SCNN1D: variants seen among roughly 807,000 people sequenced by gnomAD.
SCNN1D encodes the protein epithelial sodium channel subunit delta.
Under a neutral mutation model 87.8 loss-of-function variants are expected in SCNN1D, and 104 were observed. That is an observed-to-expected ratio of 1.18 (90% CI 1.01 to 1.39). The LOEUF (loss-of-function observed/expected upper bound fraction) is 1.39. Among genes scored for constraint, SCNN1D ranks in the 40% most tolerant of loss-of-function variants. The probability of loss-of-function intolerance (pLI) is 0.00; values close to 1 mark genes in which losing one functional copy is unlikely to be tolerated. For synonymous variants in SCNN1D, 628 were observed against 481.2 expected (o/e 1.31, Z -3.99); for missense variants, 1,324 against 1,093.9 (o/e 1.21, Z -2.97).
chr1:1,290,860 G>A, intron 15 of SCNN1D, 35 bp from the exon 16 acceptor site: 1 of 1,606,088 alleles, frequency 6.2e-7, no homozygotes, highest in African/African-American at 1.3e-5. Context: ...GGGGGCATGG[G>A]GGAGCCGTGG....
At position 1,281,263 on chromosome 1, in the gene SCNN1D, T is replaced by G. The variant is rs1473990937; in HGVS notation, c.43T>G (p.Tyr15Asp). 2.0e-6 allele frequency: 3 copies of G among 1,535,644 alleles called. No individual in the cohort carries two copies. Among genetic ancestry groups the G allele is most frequent in the Non-Finnish European group, 2.6e-6 (3 of 1,146,786 alleles). The change falls in exon 2 of 18, where the codon TAC becomes GAC. Residue 15 changes from tyrosine to aspartate, a missense_variant. Coordinates refer to ENST00000379116, the MANE Select transcript of SCNN1D (RefSeq NM_001130413.4). ...LSQKTTPLPR[Y>D]LWPGHLSGPR... Reference sequence around the variant, plus strand: ...ACAGAAGACAACACCGCTCCCTCGTTACCTGTGGCCCGGCCACCTCAGCGG... The same window carrying G: ...ACAGAAGACAACACCGCTCCCTCGTGACCTGTGGCCCGGCCACCTCAGCGG...
chr1:1,282,920 T>G (rs899968758), intron 4 of SCNN1D, among the ~76,000 whole-genome samples: 2 of 151,956 alleles, frequency 1.3e-5, no homozygotes, highest in African/African-American at 4.8e-5. Flanking sequence ...GCCCACCTAA[T>G]TTTTTGTATT....
rs201886921 is a variant in SCNN1D at position 1,288,681 on chromosome 1, T to TCC, written c.1662+646_1662+647dup. ...TGCTCCGTCCCGTGTCTCTGCTCCG[T>TCC]CCCGTGTCCCTGCTCCGTCCCCCGA... On this transcript the variant is annotated intron_variant, in intron 12 of 17. Coordinates refer to ENST00000379116, the MANE Select transcript of SCNN1D (RefSeq NM_001130413.4). Among the ~76,000 whole-genome samples, 32 of 48,826 alleles carry TCC rather than the reference T, an allele frequency of 6.6e-4. 2 individuals carry two copies. The highest frequency in any genetic ancestry group is 7.3e-4 in the Non-Finnish European group (21 of 28,728). The allele number at this position is 48,826 out of a possible 152,430, so 32.0% of individuals were successfully genotyped here. A position where few individuals can be genotyped will look rare whatever the true frequency, so the allele number is the denominator to read the frequency against.
rs1352064933 is a variant in SCNN1D at position 1,288,695 on chromosome 1, T to C, written c.1662+658T>C. Among the ~76,000 whole-genome samples, 35 of 11,124 alleles carry C rather than the reference T, an allele frequency of 3.1e-3. 2 individuals carry two copies. Among genetic ancestry groups the C allele is most frequent in the Non-Finnish European group, 3.4e-3 (26 of 7,584 alleles). 7.3% of individuals were successfully genotyped at this position (11,124 alleles called of 152,430 possible). A position where few individuals can be genotyped will look rare whatever the true frequency, so the allele number is the denominator to read the frequency against. On this transcript the variant is annotated intron_variant, in intron 12 of 17. Coordinates refer to ENST00000379116, the MANE Select transcript of SCNN1D (RefSeq NM_001130413.4). ...TCTCTGCTCCGTCCCGTGTCCCTGC[T>C]CCGTCCCCCGAGTCTCTGCTCCGTC...
At chr1:1,290,840 C>T (rs1003172587) in intron 15 of SCNN1D, 55 bp from the exon 16 acceptor site, 42 of 1,597,150 alleles carry the variant, frequency 2.6e-5, no homozygotes, top group Admixed American at 1.2e-4. Flanking sequence ...CCGTGGTACC[C>T]AGGATGGCCG....
intron 11 of SCNN1D, 38 bp downstream of exon 11, chr1:1,287,874 T>C: frequency 1.3e-6 from 2 of 1,517,150 alleles, no homozygotes; most frequent in Non-Finnish European, 1.8e-6. Flanking sequence ...GGCCCAGGCC[T>C]CCTGCCCAAC....
rs1258565238 is a variant in SCNN1D, at chr1:1,287,261, C to A, written c.1272C>A (p.Val424=). ...DSHGSQDGHF[V]LSCSYDGLDC... ...ACGGGAGCCAGGACGGCCACTTCGT[C>A]CTCTCCTGCAGTTACGATGGCCTGG... The change falls in exon 9 of 18, where the codon GTC becomes GTA. Residue 424 remains valine, a synonymous_variant. Coordinates refer to ENST00000379116, the MANE Select transcript of SCNN1D (RefSeq NM_001130413.4). The A allele has an allele frequency of 6.2e-7, 1 of 1,609,340 alleles. No individual in the cohort carries two copies. Among genetic ancestry groups the A allele is most frequent in the Admixed American group, 1.7e-5 (1 of 59,692 alleles).
At chr1:1,281,802 G>T (rs1640476374) in intron 3 of SCNN1D, 192 bp downstream of exon 3, 2 of 611,204 alleles carry the variant, frequency 3.3e-6, no homozygotes, top group Non-Finnish European at 5.7e-6. Context: ...CCTGCAAGCT[G>T]CCCTTTGGCT....
At chr1:1,282,024 A>G (rs1640480270) in intron 3 of SCNN1D, 3 of 594,396 alleles carry the variant, frequency 5.0e-6, no homozygotes, top group Non-Finnish European at 9.2e-6. Flanking sequence ...CGGCCCACGC[A>G]CAAAGCTGCC....
chr1:1,280,448 C>T lies in SCNN1D; in HGVS notation c.-214C>T, dbSNP rs965185686. ...CACTGCCCTCCAGCCTGGGCGACAGCGAGACTCCATCTCAATAAATAAAAA... is the reference window on the plus strand; with the variant it reads ...CACTGCCCTCCAGCCTGGGCGACAGTGAGACTCCATCTCAATAAATAAAAA... On this transcript the variant is annotated 5_prime_UTR_variant, in exon 1 of 18. Transcript: ENST00000379116. 13 of 432,280 alleles carry T rather than the reference C, an allele frequency of 3.0e-5. No individual in the cohort carries two copies. The highest frequency in any genetic ancestry group is 1.0e-4 in the African/African-American group (5 of 48,838). 26.8% of individuals were successfully genotyped at this position (432,280 alleles called of 1,614,324 possible).
chr1:1,287,425 CAG>C, intron 9 of SCNN1D, 81 bp from the exon 10 acceptor site: 2 of 1,487,522 alleles, frequency 1.3e-6, no homozygotes, highest in Non-Finnish European at 1.8e-6. Context: ...TCCGCAGACA[CAG>C]GGCAGGCCAT....
chr1:1,287,607 G>A lies in SCNN1D; in HGVS notation c.1399+11G>A. ...CCGGCATCACCCACGGTGGGTGCCA[G>A]CCCCTGGCCGGTGCGGGGGCAGGGG... On this transcript the variant is annotated intron_variant, in intron 10 of 17. Coordinates refer to ENST00000379116, the MANE Select transcript of SCNN1D (RefSeq NM_001130413.4). 6.2e-7 allele frequency: 1 copy of A among 1,607,178 alleles called. No homozygotes were observed. Among genetic ancestry groups the A allele is most frequent in the Non-Finnish European group, 8.5e-7 (1 of 1,176,290 alleles).
rs1640806451 is a variant in SCNN1D at position 1,291,307 on chromosome 1, C to G, written c.2106C>G (p.Ala702=). 1.3e-6 allele frequency: 2 copies of G among 1,585,782 alleles called. No individual in the cohort carries two copies. Among genetic ancestry groups the G allele is most frequent in the African/African-American group, 2.7e-5 (2 of 74,292 alleles). ...MGSLCSLWFG[A]SVLSLLELLE... ...GCCTCTGCAGCCTGTGGTTTGGGGC[C>G]TCCGTCCTCTCCCTCCTGGAGCTCC... The change falls in exon 18 of 18, where the codon GCC becomes GCG. Residue 702 remains alanine, a synonymous_variant. Transcript: ENST00000379116.
chr1:1,291,497 C>T lies in SCNN1D; in HGVS notation c.2296C>T (p.Pro766Ser), dbSNP rs1488612507. The T allele has an allele frequency of 6.2e-7, 1 of 1,609,144 alleles. No individual in the cohort carries two copies. Among genetic ancestry groups the T allele is most frequent in the Non-Finnish European group, 8.5e-7 (1 of 1,177,842 alleles). The change falls in exon 18 of 18, where the codon CCG (proline) becomes TCG (serine). Residue 766 changes from proline to serine, a missense_variant. Physicochemically the swap from Pro to Ser is moderately conservative, Grantham distance 74 (BLOSUM62 -1). Coordinates refer to ENST00000379116, the MANE Select transcript of SCNN1D (RefSeq NM_001130413.4). ...PPPAGGTSDD[P>S]EPSGPHLPRV... is the part of the protein sequence containing the mutation. ...GCCTGCAGGCGGCACGTCAGATGAC[C>T]CGGAGCCCAGCGGGCCTCATCTCCC...
intron 4 of SCNN1D, 37 bp from the exon 5 acceptor site, chr1:1,283,941 A>G (rs1372942648): frequency 7.8e-7 from 1 of 1,287,616 alleles, no homozygotes. Context: ...CCTCGCCTGC[A>G]GCACAGTCCC....
intron 12 of SCNN1D, 99 bp downstream of exon 12, chr1:1,288,136 A>C (rs1640648543): frequency 2.2e-6 from 2 of 895,858 alleles, no homozygotes; most frequent in Non-Finnish European, 3.3e-6. Flanking sequence ...AGAGTACTAG[A>C]GGGCCTGGGA....
At chr1:1,288,259 G>C (rs902816649) in intron 12 of SCNN1D, among the ~76,000 whole-genome samples, 9 of 114,336 alleles carry the variant, frequency 7.9e-5, no homozygotes, top group East Asian at 3.5e-4. Flanking sequence ...GCTCCGTCCC[G>C]TGTCTCTGCT....
chr1:1,280,976 G>A (rs1186767660), intron 1 of SCNN1D: 1 of 590,182 alleles, frequency 1.7e-6, no homozygotes, highest in Non-Finnish European at 3.0e-6. Context: ...CCGGGGCCGA[G>A]GGGGCTCTGC....
At position 1,287,754 on chromosome 1, in the gene SCNN1D, A is replaced by G. The variant is rs944157925; in HGVS notation, c.1481A>G (p.His494Arg). Residue 494 changes from histidine (H) to arginine (R), a missense_variant, in exon 11 of 18, where the codon CAC becomes CGC. His to Arg is a conservative substitution (Grantham distance 29). Transcript: ENST00000379116. ...CTGGCCGGCATCAGGGTCATGGTTC[A>G]CGGCCGTAACCACACGCCCTTCCTG... Reference protein sequence around the residue: ...STLAGIRVMVHGRNHTPFLGH... With the variant: ...STLAGIRVMVRGRNHTPFLGH... The G allele has an allele frequency of 5.0e-6, 8 of 1,604,036 alleles. No homozygotes were observed. In the Admixed American group the frequency reaches 8.5e-5, roughly 17 times the overall value.
Sources: gnomAD v4.1 joint callset for allele counts (sites outside exome capture counted in the v4.1 genomes callset) on GRCh38, gnomAD v4.1.1 for gene constraint, MANE v1.5 for transcripts, NCBI Gene and HGNC (gene_info 2026-07-23, HGNC 2026-07-21) for gene names.